CDH19: variants seen among roughly 807,000 people sequenced by gnomAD.
The protein encoded by CDH19 is cadherin-19.
In CDH19, 67 loss-of-function variants were observed where a neutral mutation model predicts 64.2. That is an observed-to-expected ratio of 1.04 (90% confidence interval 0.86 to 1.28). The LOEUF (loss-of-function observed/expected upper bound fraction) is 1.28, where lower values mean the gene tolerates loss of function less well. Ranked by LOEUF, CDH19 falls within the 50% of genes most tolerant of loss-of-function variation. The pLI, the probability that CDH19 is intolerant of heterozygous loss-of-function variation, is 0.00. For missense variants in CDH19, 1,030 were observed against 929.0 expected (o/e 1.11, Z -1.41); for synonymous variants, 346 against 319.3 (o/e 1.08, Z -0.89).
Position 66,504,802 on chromosome 18 carries a change from G to GT in CDH19, c.*9dup. The GT allele has an allele frequency of 6.3e-7, 1 of 1,582,026 alleles. No homozygotes were observed. Among genetic ancestry groups the GT allele is most frequent in the Non-Finnish European group, 8.6e-7 (1 of 1,159,888 alleles). On this transcript the variant is annotated 3_prime_UTR_variant, in exon 12 of 12. Coordinates refer to ENST00000262150, the MANE Select transcript of CDH19 (RefSeq NM_021153.4). The stretch of plus-strand genomic sequence containing the variant: ...ATTAGCACTTTTAAAAATTTTGATG[G>GT]TAAAAAGCCCTAATTATTTGACTGC...
chr18:66,591,303 A>C (rs1165810112), intron 1 of CDH19, among the ~76,000 whole-genome samples: 1 of 151,948 alleles, frequency 6.6e-6, no homozygotes, highest in African/African-American at 2.4e-5. Flanking sequence ...ATAAATGCTT[A>C]TTAATCAGTT....
intron 8 of CDH19, among the ~76,000 whole-genome samples, chr18:66,531,684 T>C (rs1986450995): frequency 6.6e-6 from 1 of 152,132 alleles, no homozygotes; most frequent in Non-Finnish European, 1.5e-5. Flanking sequence ...GTTTGAATCT[T>C]GTTTCTCAAT....
At chr18:66,510,568 G>A (rs1481771905) in intron 10 of CDH19, among the ~76,000 whole-genome samples, 3 of 136,244 alleles carry the variant, frequency 2.2e-5, no homozygotes, top group Non-Finnish European at 3.1e-5. Flanking sequence ...ATAAAATAAC[G>A]TTGAAGTCTG....
intron 2 of CDH19, among the ~76,000 whole-genome samples, chr18:66,571,460 A>G (rs1265387873): frequency 6.6e-6 from 1 of 151,732 alleles, no homozygotes; most frequent in Non-Finnish European, 1.5e-5. Context: ...AGCCAAAAAC[A>G]TAAATAGGAG....
intron 1 of CDH19, chr18:66,596,201 C>G (rs1392154707): frequency 6.6e-6 from 1 of 152,060 alleles, no homozygotes; most frequent in African/African-American, 2.4e-5. Context: ...TCACAGCAAA[C>G]ATGATACTGA....
rs1435803258 is a variant in CDH19 at position 66,544,240 on chromosome 18, G to T, written c.961-16C>A. On this transcript the variant is annotated splice_polypyrimidine_tract_variant and intron_variant, in intron 6 of 11. Transcript: ENST00000262150. ...AATCCACTTTCTGCAAAGAAACACAGTATACACAAAAGAAATGGCTTTAGT... is the reference window on the plus strand; with the variant it reads ...AATCCACTTTCTGCAAAGAAACACATTATACACAAAAGAAATGGCTTTAGT... The T allele has an allele frequency of 6.2e-7, 1 of 1,601,320 alleles. No homozygotes were observed. Among genetic ancestry groups the T allele is most frequent in the Non-Finnish European group, 8.5e-7 (1 of 1,174,380 alleles).
intron 3 of CDH19, among the ~76,000 whole-genome samples, chr18:66,561,724 G>A (rs1478168647): frequency 2.6e-5 from 4 of 151,948 alleles, no homozygotes; most frequent in Non-Finnish European, 4.4e-5. Flanking sequence ...TCCATTCTAA[G>A]TGAACAAAAG....
intron 10 of CDH19, 135 bp downstream of exon 10, chr18:66,511,433 T>C (rs1985478763): frequency 1.8e-6 from 1 of 541,210 alleles, no homozygotes; most frequent in Non-Finnish European, 3.3e-6. Flanking sequence ...TCCATTTTAA[T>C]TGTTACTCTT....
intron 9 of CDH19, among the ~76,000 whole-genome samples, chr18:66,520,337 A>G (rs996501667): frequency 7.5e-6 from 1 of 133,298 alleles, no homozygotes; most frequent in Non-Finnish European, 1.6e-5. Flanking sequence ...GGAAGAAAAT[A>G]GCTGTTTTTT....
intron 1 of CDH19, among the ~76,000 whole-genome samples, chr18:66,596,870 C>A (rs1455933989): frequency 6.6e-6 from 1 of 151,162 alleles, no homozygotes; most frequent in Non-Finnish European, 1.5e-5. Flanking sequence ...ATCACGAGGT[C>A]AGGAGATCGA....
rs533067355 is a variant in CDH19 at position 66,600,583 on chromosome 18, T to A, written c.-113+3371A>T. ...TCGCTTTGTATCTTTAAAAATACTT[T>A]AAATTAAATTTCATGTAAGTGGTTT... On this transcript the variant is annotated intron_variant, in intron 1 of 11. Coordinates refer to ENST00000262150, the MANE Select transcript of CDH19 (RefSeq NM_021153.4). Among the ~76,000 whole-genome samples the A allele has an allele frequency of 1.1e-4, 16 of 152,050 alleles. No individual in the cohort carries two copies. In the South Asian group the frequency reaches 3.3e-3, roughly 31 times the overall value.
Position 66,504,857 on chromosome 18 carries a change from T to G in CDH19, c.2274A>C (p.Lys758Asn). Residue 758 changes from lysine to asparagine, a missense_variant, in exon 12 of 12, where the codon AAA (lysine) becomes AAC (asparagine). Coordinates refer to ENST00000262150, the MANE Select transcript of CDH19 (RefSeq NM_021153.4). ...CAGAACCAAACATGCATGCTAATCT[T>G]TTAAAGCGAGGTCCCAACTCATTAA... ...DYLNELGPRFKRLACMFGSAV... is the reference protein window; with the variant it reads ...DYLNELGPRFNRLACMFGSAV... 6.2e-7 allele frequency: 1 copy of G among 1,610,398 alleles called. No individual in the cohort carries two copies.
In CDH19 at chr18:66,564,995, C is replaced by A. The variant is rs1350281879; in HGVS notation, c.490+3421G>T. Among the ~76,000 whole-genome samples the A allele has an allele frequency of 2.6e-5, 4 of 151,818 alleles. No individual in the cohort carries two copies. The East Asian group carries it at 5.8e-4, about 22-fold the overall frequency. On this transcript the variant is annotated intron_variant, in intron 3 of 11. Transcript: ENST00000262150. ...AATGATTTCCATGAATTTCACATCT[C>A]CCGAAATCTTCTATTTATATCCTAA... is the stretch of plus-strand genomic sequence containing the variant.
intron 7 of CDH19, among the ~76,000 whole-genome samples, chr18:66,539,694 T>A (rs1424695980): frequency 1.3e-5 from 2 of 152,044 alleles, no homozygotes; most frequent in African/African-American, 4.8e-5. Context: ...TTCATATTTG[T>A]TTATGAGGGA....
intron 2 of CDH19, among the ~76,000 whole-genome samples, chr18:66,571,521 G>C (rs1988102063): frequency 6.6e-6 from 1 of 151,630 alleles, no homozygotes; most frequent in Admixed American, 6.6e-5. Context: ...TTTTAAGAAA[G>C]TGAACATAAT....
chr18:66,539,800 A>C (rs1986817796), intron 7 of CDH19, among the ~76,000 whole-genome samples: 1 of 151,994 alleles, frequency 6.6e-6, no homozygotes, highest in Admixed American at 6.6e-5. Flanking sequence ...GAAGCTATTT[A>C]ACTGACTTTT....
At chr18:66,530,112 C>T in intron 8 of CDH19, 146 bp from the exon 9 acceptor site, 1 of 378,838 alleles carries the variant, frequency 2.6e-6, no homozygotes, top group Non-Finnish European at 4.8e-6. Flanking sequence ...CTATATGATT[C>T]ACCTACTTAT....
intron 5 of CDH19, among the ~76,000 whole-genome samples, chr18:66,545,288 C>T (rs2144492694): frequency 6.6e-6 from 1 of 152,020 alleles, no homozygotes; most frequent in East Asian, 1.9e-4. Flanking sequence ...GCAATTGTAG[C>T]ATTCTTTATT....
intron 1 of CDH19, among the ~76,000 whole-genome samples, chr18:66,581,422 T>C (rs1010285515): frequency 7.2e-5 from 11 of 152,060 alleles, no homozygotes; most frequent in Non-Finnish European, 1.0e-4. Context: ...TATTTTTTCT[T>C]GGTGTGTCTG....
Sources: allele counts gnomAD v4.1 joint callset (sites outside exome capture counted in the v4.1 genomes callset), GRCh38; gene constraint gnomAD v4.1.1; transcripts MANE v1.5; gene names NCBI Gene and HGNC (gene_info 2026-07-23, HGNC 2026-07-21).